SBF1: variants seen among roughly 807,000 people sequenced by gnomAD.
SBF1 encodes the protein myotubularin-related protein 5.
In SBF1, 65 loss-of-function variants were observed where a neutral mutation model predicts 215.8. That is an observed-to-expected ratio of 0.30 (90% confidence interval 0.25 to 0.37). SBF1 has a LOEUF of 0.37. SBF1 is among the 10% of genes least tolerant of loss of function. The probability of loss-of-function intolerance (pLI) is 1.00; values close to 1 mark genes in which losing one functional copy is unlikely to be tolerated. For synonymous variants in SBF1, 1,410 were observed against 1,122.8 expected (o/e 1.26, Z -5.11); for missense variants, 2,634 against 2,667.8 (o/e 0.99, Z 0.28).
chr22:50,464,543 G>A lies in SBF1; in HGVS notation c.1627C>T (p.Pro543Ser), dbSNP rs532038110. 1 of 1,610,026 alleles carries A rather than the reference G, an allele frequency of 6.2e-7. No individual in the cohort carries two copies. The highest frequency in any genetic ancestry group is 8.5e-7 in the Non-Finnish European group (1 of 1,178,350). The change falls in exon 14 of 41, where the codon CCC becomes TCC. Residue 543 changes from proline to serine, a missense_variant. Physicochemically the swap from Pro to Ser is moderately conservative, Grantham distance 74 (BLOSUM62 -1). Transcript: ENST00000380817. Reference protein sequence around the residue: ...AERRTTVPSGPPMTAILERCS... With the variant: ...AERRTTVPSGSPMTAILERCS... Reference sequence around the variant, plus strand: ...CTCCCTCATTACGCACTCATGGGGGGCCCTGAGGGCACGGTGGTCCTCCTC... The same window carrying A: ...CTCCCTCATTACGCACTCATGGGGGACCCTGAGGGCACGGTGGTCCTCCTC...
rs771272658 is a variant in SBF1 at position 50,463,271 on chromosome 22, A to G, written c.1899+12T>C. 6.2e-7 allele frequency: 1 copy of G among 1,613,204 alleles called. No individual in the cohort carries two copies. The highest frequency in any genetic ancestry group is 8.5e-7 in the Non-Finnish European group (1 of 1,179,786). On this transcript the variant is annotated intron_variant, in intron 16 of 40. Transcript: ENST00000380817. Reference sequence around the variant, plus strand: ...CCATGAGCCATGTCACTAGCAGGATAAGAGGCCTCACCTGCAGGCAGCAGT... The same window carrying G: ...CCATGAGCCATGTCACTAGCAGGATGAGAGGCCTCACCTGCAGGCAGCAGT...
At chr22:50,459,807 C>A (rs1024933414) in intron 26 of SBF1, 141 bp from the exon 27 acceptor site, 191 of 1,330,790 alleles carry the variant, frequency 1.4e-4, no homozygotes, top group Non-Finnish European at 1.7e-4. Context: ...CCAGCCACCC[C>A]CCAGCCCTGT....
rs748407990 is a variant in SBF1 at position 50,461,275 on chromosome 22, C to T, written c.2851G>A (p.Val951Met). The T allele has an allele frequency of 1.2e-6, 2 of 1,611,186 alleles. No homozygotes were observed. The highest frequency in any genetic ancestry group is 1.7e-6 in the Non-Finnish European group (2 of 1,178,216). Residue 951 changes from valine to methionine, a missense_variant, in exon 23 of 41, where the codon GTG (valine) becomes ATG (methionine). Physicochemically the swap from Val to Met is conservative, Grantham distance 21. Coordinates refer to ENST00000380817, the MANE Select transcript of SBF1 (RefSeq NM_002972.4). ...MPTDPLVGEQ[V>M]VVRSFPVAAL... ...GCCACCGGGAAGGAGCGGACCACCA[C>T]CTGCTCCCCAACTTAGGACAGGCCA...
At chr22:50,452,751 A>C (rs1001448800) in intron 36 of SBF1, among the ~76,000 whole-genome samples, 8 of 121,184 alleles carry the variant, frequency 6.6e-5, no homozygotes, top group Admixed American at 6.0e-4. Context: ...AAAAAAAAAA[A>C]CCATACTGGG....
intron 31 of SBF1, chr22:50,455,986 C>G (rs1195284836): frequency 1.7e-6 from 1 of 575,516 alleles, no homozygotes; most frequent in East Asian, 2.9e-5. Flanking sequence ...GCAGGCTGCT[C>G]CGACATACCC....
chr22:50,461,193 T>G lies in SBF1; in HGVS notation c.2933A>C (p.Gln978Pro). The G allele has an allele frequency of 1.9e-6, 3 of 1,610,158 alleles. No individual in the cohort carries two copies. Among genetic ancestry groups the G allele is most frequent in the Non-Finnish European group, 2.5e-6 (3 of 1,177,920 alleles). The change falls in exon 23 of 41, where the codon CAG (glutamine) becomes CCG (proline). Residue 978 changes from glutamine to proline, a missense_variant. Transcript: ENST00000380817. ...SVQTPVDQLLQDGLQLRSCTF... is the reference protein window; with the variant it reads ...SVQTPVDQLLPDGLQLRSCTF... ...GCAGGAGCGCAGCTGGAGCCCGTCCTGCAGGAGCTGGTCCACAGGGGTCTG... is the reference window on the plus strand; with the variant it reads ...GCAGGAGCGCAGCTGGAGCCCGTCCGGCAGGAGCTGGTCCACAGGGGTCTG...
chr22:50,464,605 G>C lies in SBF1; in HGVS notation c.1565C>G (p.Ala522Gly). 1 of 1,611,656 alleles carries C rather than the reference G, an allele frequency of 6.2e-7. No individual in the cohort carries two copies. Among genetic ancestry groups the C allele is most frequent in the Non-Finnish European group, 8.5e-7 (1 of 1,179,854 alleles). ...AGCTGGGGGTGCACCCTGCATCTTG[G>C]CTGCAGCCTGGTCCACGATCCACTG... ...TVQWIVDQAA[A>G]KMQGAPPAVK... The change falls in exon 14 of 41, where the codon GCC becomes GGC. Residue 522 changes from alanine (A) to glycine (G), a missense_variant. Coordinates refer to ENST00000380817, the MANE Select transcript of SBF1 (RefSeq NM_002972.4).
At position 50,456,875 on chromosome 22, in the gene SBF1, A is replaced by G. The variant is rs1210894951; in HGVS notation, c.3904+159T>C. Among the ~76,000 whole-genome samples the G allele has an allele frequency of 2.6e-5, 4 of 152,272 alleles. No homozygotes were observed. The East Asian group carries it at 5.8e-4, about 22-fold the overall frequency. ...GGCAGCCAGTGTTAGTTTCTAGGGC[A>G]GGACTCACGGGTCAGGGAGGTAAGG... On this transcript the variant is annotated intron_variant, in intron 29 of 40. Coordinates refer to ENST00000380817, the MANE Select transcript of SBF1 (RefSeq NM_002972.4).
In SBF1 at chr22:50,462,127, A is replaced by G; in HGVS notation, c.2397-8T>C. 1 of 1,612,444 alleles carries G rather than the reference A, an allele frequency of 6.2e-7. No homozygotes were observed. The highest frequency in any genetic ancestry group is 8.5e-7 in the Non-Finnish European group (1 of 1,179,984). On this transcript the variant is annotated splice_polypyrimidine_tract_variant and splice_region_variant and intron_variant, in intron 19 of 40. Transcript: ENST00000380817. ...GCCACACTGCCAGCCATGCTGGGCC[A>G]GAGAAGAAACTGTGGGCATGGGCCC... is the stretch of plus-strand genomic sequence containing the variant.
In SBF1 at chr22:50,460,704, T is replaced by C; in HGVS notation, c.2976A>G (p.Lys992=). The C allele has an allele frequency of 6.2e-7, 1 of 1,612,784 alleles. No homozygotes were observed. The highest frequency in any genetic ancestry group is 8.5e-7 in the Non-Finnish European group (1 of 1,179,816). The change falls in exon 24 of 41, where the codon AAA becomes AAG. Residue 992 remains lysine (K), a synonymous_variant. Coordinates refer to ENST00000380817, the MANE Select transcript of SBF1 (RefSeq NM_002972.4). ...QLRSCTFQLL[K]MAFDEEVGSD... ...ACCCCACCTCCTCGTCAAAGGCCATTTTCAGCAGCTGTGTCAGTAAAAGCA... is the reference window on the plus strand; with the variant it reads ...ACCCCACCTCCTCGTCAAAGGCCATCTTCAGCAGCTGTGTCAGTAAAAGCA...
At chr22:50,447,485 CT>C in intron 39 of SBF1, 32 bp from the exon 40 acceptor site, 2 of 1,609,896 alleles carry the variant, frequency 1.2e-6, no homozygotes, top group Non-Finnish European at 1.7e-6. Context: ...GCGGAGCCCC[CT>C]CCCCCGTGAG....
chr22:50,474,620 G>A (rs2068109931), intron 1 of SBF1, among the ~76,000 whole-genome samples, 166 bp downstream of exon 1: 1 of 114,958 alleles, frequency 8.7e-6, no homozygotes, highest in Admixed American at 8.4e-5. Context: ...TCAGCGCCCA[G>A]CCCCCGGTCC....
At position 50,465,021 on chromosome 22, in the gene SBF1, G is replaced by A. The variant is rs201645895; in HGVS notation, c.1312C>T (p.Pro438Ser). 2.0e-4 allele frequency: 329 copies of A among 1,613,870 alleles called. 1 individual carries two copies. The highest frequency in any genetic ancestry group is 2.5e-4 in the Non-Finnish European group (290 of 1,179,968). The change falls in exon 12 of 41, where the codon CCT (proline) becomes TCT (serine). Residue 438 changes from proline to serine, a missense_variant. Physicochemically the swap from Pro to Ser is moderately conservative, Grantham distance 74 (BLOSUM62 -1). Coordinates refer to ENST00000380817, the MANE Select transcript of SBF1 (RefSeq NM_002972.4). ...FVSERGVPYRPTDLFDELVAH... is the reference protein window; with the variant it reads ...FVSERGVPYRSTDLFDELVAH... The stretch of plus-strand genomic sequence containing the variant: ...TGCACCTCATCGAACAGGTCCGTAG[G>A]GCGGTATGGGACCCCACGCTCTGAC...
At position 50,447,403 on chromosome 22, in the gene SBF1, G is replaced by A. The variant is rs753595572; in HGVS notation, c.5502C>T (p.Asp1834=). 1.9e-6 allele frequency: 3 copies of A among 1,614,022 alleles called. No individual in the cohort carries two copies. Among genetic ancestry groups the A allele is most frequent in the African/African-American group, 2.7e-5 (2 of 75,046 alleles). Residue 1834 remains aspartate, a synonymous_variant, in exon 40 of 41, where the codon GAC becomes GAT. Coordinates refer to ENST00000380817, the MANE Select transcript of SBF1 (RefSeq NM_002972.4). ...RVDTECKGVI[D]LAEVEAVAPG... ...GTGCCACAGCCTCCACCTCCGCCAA[G>A]TCGATGACACCCTTGCACTCTGTGT...
rs759484260 is a variant in SBF1, at chr22:50,460,307, T to C, written c.3248A>G (p.Gln1083Arg). The C allele has an allele frequency of 4.0e-5, 64 of 1,611,040 alleles. No individual in the cohort carries two copies. The highest frequency in any genetic ancestry group is 5.1e-5 in the Non-Finnish European group (60 of 1,178,012). ...GTCCTCCTGGTCCTCAGGGGGCGGCTGGCCCCGGTGCTCCCAGCTGGGGGG... is the reference window on the plus strand; with the variant it reads ...GTCCTCCTGGTCCTCAGGGGGCGGCCGGCCCCGGTGCTCCCAGCTGGGGGG... The part of the protein sequence containing the change: ...YNPPSWEHRG[Q>R]PPPEDQEDEI... Residue 1083 changes from glutamine (Q) to arginine (R), a missense_variant, in exon 25 of 41, where the codon CAG becomes CGG. By Grantham distance (43) the Gln-to-Arg change is conservative. Coordinates refer to ENST00000380817, the MANE Select transcript of SBF1 (RefSeq NM_002972.4).
At chr22:50,456,895 G>C in intron 29 of SBF1, 139 bp downstream of exon 29, 1 of 784,646 alleles carries the variant, frequency 1.3e-6, no homozygotes, top group Non-Finnish European at 1.9e-6. Context: ...GGTCAGGGAG[G>C]TAAGGACTGG....
At chr22:50,457,240 A>G (rs1219712677) in intron 28 of SBF1, 129 bp from the exon 29 acceptor site, 3 of 680,572 alleles carry the variant, frequency 4.4e-6, no homozygotes, top group Non-Finnish European at 4.4e-6. Flanking sequence ...GGTCAGCCCC[A>G]AGTCCCTGAT....
chr22:50,449,625 AACACACACACACACAC>A (rs59541336), intron 36 of SBF1, among the ~76,000 whole-genome samples: 11,854 of 146,946 alleles, frequency 0.081, 620 homozygotes, highest in Non-Finnish European at 0.11. Context: ...AAAACACACA[AACACACACACACACAC>A]ACACACACAC....
intron 15 of SBF1, among the ~76,000 whole-genome samples, chr22:50,463,765 C>T (rs893162293): frequency 4.6e-5 from 7 of 152,194 alleles, no homozygotes; most frequent in African/African-American, 2.4e-5. Context: ...GGCACAGGCC[C>T]GGCCACAGAA....
Sources: gnomAD v4.1 joint callset for allele counts (sites outside exome capture counted in the v4.1 genomes callset) on GRCh38, gnomAD v4.1.1 for gene constraint, MANE v1.5 for transcripts, NCBI Gene and HGNC (gene_info 2026-07-23, HGNC 2026-07-21) for gene names.